Variants in CELSR1 observed in about 807,000 individuals in gnomAD.
The protein encoded by CELSR1 is cadherin EGF LAG seven-pass G-type receptor 1, also known as adhesion G protein-coupled receptor C1.
A neutral mutation model predicts 249.1 loss-of-function variants in CELSR1; 110 were observed. The observed-to-expected ratio is 0.44, with a 90% CI of 0.38 to 0.52. The LOEUF (loss-of-function observed/expected upper bound fraction) is 0.52. Ranked by LOEUF, CELSR1 falls within the 20% of genes least tolerant of loss-of-function variation. The probability of loss-of-function intolerance (pLI) is 0.00; values close to 1 mark genes in which losing one functional copy is unlikely to be tolerated. For synonymous variants in CELSR1, 2,113 were observed against 1,900.0 expected (o/e 1.11, Z -2.92); for missense variants, 4,109 against 4,296.4 (o/e 0.96, Z 1.22).
chr22:46,365,542 G>T, intron 31 of CELSR1, 44 bp downstream of exon 31: 1 of 1,554,478 alleles, frequency 6.4e-7, no homozygotes, highest in East Asian at 2.4e-5. Flanking sequence ...AAGGGACGTG[G>T]GAAAAACAAC....
chr22:46,405,548 G>A (rs2079256837), intron 9 of CELSR1, among the ~76,000 whole-genome samples: 1 of 151,908 alleles, frequency 6.6e-6, no homozygotes, highest in Non-Finnish European at 1.5e-5. Flanking sequence ...AGTGATAAAA[G>A]TGATGTTATA....
At chr22:46,431,683 G>C (rs1242075480) in intron 5 of CELSR1, among the ~76,000 whole-genome samples, 1 of 152,204 alleles carries the variant, frequency 6.6e-6, no homozygotes, top group African/African-American at 2.4e-5. Flanking sequence ...AGGACGCAAC[G>C]GCCACCCGTG....
rs748778393 is a variant in CELSR1, at chr22:46,398,183, G to A, written c.5527-335C>T. On this transcript the variant is annotated intron_variant, in intron 11 of 34. Transcript: ENST00000674500. This position sits in a 1 kb window ranked among gnomAD's most constrained non-coding sequence, Gnocchi z 7.2. ...GTAGCTGGAACCCCTGGCTCCAGGG[G>A]ACAGGCACGGGGCCCACTTGGGTGA... 6.6e-6 allele frequency among the ~76,000 whole-genome samples: 1 copy of A among 152,038 alleles called. No homozygotes were observed. The highest frequency in any genetic ancestry group is 1.9e-4 in the East Asian group (1 of 5,152).
At chr22:46,376,018 T>C (rs2078914664) in intron 24 of CELSR1, among the ~76,000 whole-genome samples, 1 of 152,246 alleles carries the variant, frequency 6.6e-6, no homozygotes, top group Non-Finnish European at 1.5e-5. Context: ...GTGAGTGGGT[T>C]CCTGATGTTA....
Position 46,380,942 on chromosome 22 carries a change from G to C in CELSR1, c.7102C>G (p.Pro2368Ala), listed in dbSNP as rs1252186608. The change falls in exon 22 of 35, where the codon CCC (proline) becomes GCC (alanine). Residue 2368 changes from proline (P) to alanine (A), a missense_variant. Physicochemically the swap from Pro to Ala is conservative, Grantham distance 27 (BLOSUM62 -1). Transcript: ENST00000674500. The surrounding 1 kb of genome is among the most constrained non-coding windows in gnomAD (Gnocchi z 5.1). Reference sequence around the variant, plus strand: ...CTCACCATCGGGGTATTAATGATGGGCCGGTGAGGCAACCTGAGGTCAAGA... The same window carrying C: ...CTCACCATCGGGGTATTAATGATGGCCCGGTGAGGCAACCTGAGGTCAAGA... ...DRRSLRLPHR[P>A]IINTPMVSTL... The C allele has an allele frequency of 6.2e-7, 1 of 1,612,894 alleles. No individual in the cohort carries two copies. Among genetic ancestry groups the C allele is most frequent in the Non-Finnish European group, 8.5e-7 (1 of 1,179,442 alleles).
Position 46,364,537 on chromosome 22 carries a change from G to A in CELSR1, c.8754C>T (p.Ser2918=). 3 of 1,611,528 alleles carry A rather than the reference G, an allele frequency of 1.9e-6. No homozygotes were observed. The highest frequency in any genetic ancestry group is 2.5e-6 in the Non-Finnish European group (3 of 1,179,712). ...QESGGAARLA[S]SQPPEQRKGI... ...CTTTCCTCTGCTCTGGGGGCTGGCT[G>A]CTAGCAAGCCTGGCTGCGCCCCCGC... Residue 2918 remains serine (S), a synonymous_variant, in exon 33 of 35, where the codon AGC becomes AGT. Transcript: ENST00000674500.
intron 1 of CELSR1, among the ~76,000 whole-genome samples, chr22:46,503,217 G>A (rs983650661): frequency 1.8e-4 from 28 of 152,210 alleles, no homozygotes; most frequent in African/African-American, 6.8e-4. Flanking sequence ...ATAGAGGCCA[G>A]CCCCCAGCAA....
In CELSR1 at chr22:46,386,444, G is replaced by A. The variant is rs747018498; in HGVS notation, c.6697C>T (p.Arg2233Trp). ...YFSNVARNVR[R>W]TYLRPFVIVT... The stretch of plus-strand genomic sequence containing the variant: ...ATGACGAAGGGCCGCAGGTACGTCC[G>A]CCGCACGTTGCGTGCCACGTTGCTG... The change falls in exon 19 of 35, where the codon CGG becomes TGG. Residue 2233 changes from arginine to tryptophan, a missense_variant. Arg to Trp is a moderately radical substitution (Grantham distance 101). Coordinates refer to ENST00000674500, the MANE Select transcript of CELSR1 (RefSeq NM_001378328.1). The A allele has an allele frequency of 3.1e-5, 49 of 1,599,908 alleles. No homozygotes were observed. Among genetic ancestry groups the A allele is most frequent in the Non-Finnish European group, 3.9e-5 (46 of 1,174,128 alleles).
intron 1 of CELSR1, among the ~76,000 whole-genome samples, chr22:46,487,038 TCACTCCCACTCC>T (rs61398603): frequency 6.9e-6 from 1 of 144,314 alleles, no homozygotes; most frequent in African/African-American, 2.6e-5. Context: ...CTTCCTGCCC[TCACTCCCACTCC>T]CACTCCCACT....
At position 46,535,908 on chromosome 22, in the gene CELSR1, G is replaced by C. The variant is rs764914316; in HGVS notation, c.1263C>G (p.Ala421=). 1.9e-6 allele frequency: 3 copies of C among 1,608,792 alleles called. No individual in the cohort carries two copies. Among genetic ancestry groups the C allele is most frequent in the African/African-American group, 1.3e-5 (1 of 74,902 alleles). ...TGGCCTCCACCAGGAGCTGGTACTC[G>C]GCCGCCTCCTCCCGGTCCAGCACCG... ...TRAVLDREEA[A]EYQLLVEAND... is the part of the protein sequence containing the mutation. Residue 421 remains alanine (A), a synonymous_variant, in exon 1 of 35, where the codon GCC becomes GCG. Transcript: ENST00000674500.
At chr22:46,509,770 C>T (rs372116933) in intron 1 of CELSR1, among the ~76,000 whole-genome samples, 6 of 152,018 alleles carry the variant, frequency 3.9e-5, no homozygotes, top group African/African-American at 1.2e-4. Flanking sequence ...AGGGGTTTCA[C>T]GAGGGGATGG....
rs1044882623 is a variant in CELSR1, at chr22:46,521,373, C to T, written c.3544+12254G>A. 2.6e-5 allele frequency among the ~76,000 whole-genome samples: 4 copies of T among 152,046 alleles called. No individual in the cohort carries two copies. The South Asian group carries it at 8.3e-4, about 32-fold the overall frequency. ...TCAAAAAATTAGCTGGGCATGGTGGCGGGCACCTGTAGTCCCAGCTACTCG... is the reference window on the plus strand; with the variant it reads ...TCAAAAAATTAGCTGGGCATGGTGGTGGGCACCTGTAGTCCCAGCTACTCG... On this transcript the variant is annotated intron_variant, in intron 1 of 34. Coordinates refer to ENST00000674500, the MANE Select transcript of CELSR1 (RefSeq NM_001378328.1).
Position 46,397,957 on chromosome 22 carries a change from C to T in CELSR1, c.5527-109G>A, listed in dbSNP as rs1602078013. On this transcript the variant is annotated intron_variant, in intron 11 of 34. Coordinates refer to ENST00000674500, the MANE Select transcript of CELSR1 (RefSeq NM_001378328.1). ...CTTGCGAGGCATTCATCTGTGATGC[C>T]TCATTTATCTACAGAGCTGGGGCGG... The T allele has an allele frequency of 2.1e-5, 20 of 943,666 alleles. No individual in the cohort carries two copies. In the East Asian group the frequency reaches 6.0e-4, roughly 28 times the overall value. 58.5% of individuals were successfully genotyped at this position (943,666 alleles called of 1,614,324 possible). A position where few individuals can be genotyped will look rare whatever the true frequency, so the allele number is the denominator to read the frequency against.
intron 12 of CELSR1, among the ~76,000 whole-genome samples, chr22:46,397,381 A>G (rs910697004): frequency 7.0e-6 from 1 of 143,616 alleles, no homozygotes; most frequent in African/African-American, 2.6e-5. Context: ...TCGGCCTCCC[A>G]AAGTGCTGGG....
rs985598044 is a variant in CELSR1, at chr22:46,409,484, GT to G, written c.5059+270del. Among the ~76,000 whole-genome samples, 3 of 152,144 alleles carry G rather than the reference GT, an allele frequency of 2.0e-5. No homozygotes were observed. The highest frequency in any genetic ancestry group is 7.2e-5 in the African/African-American group (3 of 41,436). On this transcript the variant is annotated intron_variant, in intron 8 of 34. Transcript: ENST00000674500. This position sits in a 1 kb window ranked among gnomAD's most constrained non-coding sequence, Gnocchi z 9.8. Reference sequence around the variant, plus strand: ...GGCGGGTTCAGGATCCCTGGGCTCCGTGGCTGGGGTGCTGGGGCTGGGCTCT... The same window carrying G: ...GGCGGGTTCAGGATCCCTGGGCTCCGGGCTGGGGTGCTGGGGCTGGGCTCT...
Position 46,537,034 on chromosome 22 carries a change from G to A in CELSR1, c.137C>T (p.Pro46Leu), listed in dbSNP as rs560689105. 2,782 of 1,100,354 alleles carry A rather than the reference G, an allele frequency of 2.5e-3. 36 individuals are homozygous for A. The African/African-American group carries it at 0.037, about 15-fold the overall frequency. The allele number at this position is 1,100,354 out of a possible 1,614,324, so 68.2% of individuals were successfully genotyped here. ...GGCGCCCACCGCGTAGGTACAGCCG[G>A]GCCGGAGGGCGAAGGCGCGGGTCCC... The part of the protein sequence containing the change: ...PGGTRAFALR[P>L]GCTYAVGAAC... Residue 46 changes from proline to leucine, a missense_variant, in exon 1 of 35, where the codon CCC becomes CTC. Pro to Leu is a moderately conservative substitution (Grantham distance 98). Around this residue, in one of 7 missense-constraint regions of CELSR1, gnomAD observed 673 missense variants for 636.8 expected, o/e 1.06. Transcript: ENST00000674500. The surrounding 1 kb of genome is among the most constrained non-coding windows in gnomAD (Gnocchi z 5.8).
In CELSR1 at chr22:46,433,580, A is replaced by G; in HGVS notation, c.4523-99T>C. 4 of 844,172 alleles carry G rather than the reference A, an allele frequency of 4.7e-6. No homozygotes were observed. The highest frequency in any genetic ancestry group is 5.8e-6 in the Non-Finnish European group (3 of 520,778). The allele number at this position is 844,172 out of a possible 1,614,324, so 52.3% of individuals were successfully genotyped here. On this transcript the variant is annotated intron_variant, in intron 4 of 34. Coordinates refer to ENST00000674500, the MANE Select transcript of CELSR1 (RefSeq NM_001378328.1). The surrounding 1 kb of genome is among the most constrained non-coding windows in gnomAD (Gnocchi z 5.7). ...TGAGGCATCAGGGGGAGACAGGTGC[A>G]CATGGCCACGTCCTCCCTCCCCTCC...
At chr22:46,489,652 C>A (rs2080348464) in intron 1 of CELSR1, among the ~76,000 whole-genome samples, 1 of 152,096 alleles carries the variant, frequency 6.6e-6, no homozygotes, top group African/African-American at 2.4e-5. Flanking sequence ...GTGGCTCATA[C>A]CTGTAATCCC....
rs1249300055 is a variant in CELSR1 at position 46,393,461 on chromosome 22, G to C, written c.5964+681C>G. ...TTGGTAAAGACCAGGAAAATGGCCA[G>C]GCACGGTGGCTCACGCCTGTAATCC... On this transcript the variant is annotated intron_variant, in intron 14 of 34. Transcript: ENST00000674500. This position sits in a 1 kb window ranked among gnomAD's most constrained non-coding sequence, Gnocchi z 4.1. 2.0e-5 allele frequency among the ~76,000 whole-genome samples: 3 copies of C among 152,156 alleles called. No individual in the cohort carries two copies. The highest frequency in any genetic ancestry group is 7.2e-5 in the African/African-American group (3 of 41,440).
Sources: gnomAD v4.1 joint callset for allele counts (sites outside exome capture counted in the v4.1 genomes callset) on GRCh38, gnomAD v4.1.1 for gene constraint, gnomAD v4.1.1 regional missense constraint, Gnocchi (gnomAD v3.1) non-coding constraint, MANE v1.5 for transcripts, NCBI Gene and HGNC (gene_info 2026-07-23, HGNC 2026-07-21) for gene names.